The following GRID2 variants were observed in gnomAD, a reference collection of about 807,000 sequenced individuals.
GRID2 encodes glutamate ionotropic receptor delta type subunit 2, also known as glutamate receptor ionotropic, delta-2.
Under a neutral mutation model 114.8 loss-of-function variants are expected in GRID2, and 33 were observed. That is an observed-to-expected ratio of 0.29 (90% CI 0.22 to 0.38). The LOEUF (loss-of-function observed/expected upper bound fraction) is 0.38, where lower values mean the gene tolerates loss of function less well. Among genes scored for constraint, GRID2 ranks in the 10% least tolerant of loss-of-function variants. The pLI, the probability that GRID2 is intolerant of heterozygous loss-of-function variation, is 1.00. For synonymous variants in GRID2, 505 were observed against 449.9 expected, an observed-to-expected ratio of 1.12 and a Z score of -1.55; for missense variants, 1,184 against 1,257.7, an observed-to-expected ratio of 0.94 and a Z score of 0.89.
At position 93,354,671 on chromosome 4, in the gene GRID2, CGTGTGTGTGTGT is replaced by C. The variant is rs35452796; in HGVS notation, c.1246-40903_1246-40892del. Among the ~76,000 whole-genome samples the C allele has an allele frequency of 7.7e-3, 1,003 of 130,278 alleles. 6 individuals are homozygous for C. Among genetic ancestry groups the C allele is most frequent in the Non-Finnish European group, 0.011 (667 of 61,488 alleles). The allele number at this position is 130,278 out of a possible 152,430, so 85.5% of individuals were successfully genotyped here. A position where few individuals can be genotyped will look rare whatever the true frequency, so the allele number is the denominator to read the frequency against. The stretch of plus-strand genomic sequence containing the variant: ...ATTTACTCCCCTGGGGTGGCTCATC[CGTGTGTGTGTGT>C]GTGTGTGTGTGTGTGTGTGTGTGTG... On this transcript the variant is annotated intron_variant, in intron 8 of 15. Coordinates refer to ENST00000282020, the MANE Select transcript of GRID2 (RefSeq NM_001510.4).
chr4:93,107,372 A>G (rs1579006801), intron 3 of GRID2, among the ~76,000 whole-genome samples: 1 of 152,288 alleles, frequency 6.6e-6, no homozygotes, highest in East Asian at 1.9e-4. Flanking sequence ...ACAGTCACAT[A>G]TCTAAGAAGT....
At chr4:92,586,151 T>G (rs184599865) in intron 1 of GRID2, among the ~76,000 whole-genome samples, 1 of 152,056 alleles carries the variant, frequency 6.6e-6, no homozygotes, top group Admixed American at 6.6e-5. Flanking sequence ...ATTTTGCTAA[T>G]TGATAAGGAC....
chr4:93,081,764 G>A lies in GRID2; in HGVS notation c.245-3231G>A, dbSNP rs377344850. 1.4e-4 allele frequency among the ~76,000 whole-genome samples: 21 copies of A among 152,168 alleles called. No homozygotes were observed. In the East Asian group the frequency reaches 1.5e-3, roughly 11 times the overall value. ...AATTTAAAATAGTTGATAAATACAC[G>A]TTCTGATCTTTCAAATTCAGTTCTC... On this transcript the variant is annotated intron_variant, in intron 2 of 15. Transcript: ENST00000282020.
rs570650940 is a variant in GRID2 at position 92,697,677 on chromosome 4, G to A, written c.244+107391G>A. ...ATACAAATAGCCATAGGTAAGGATA[G>A]TCTTACAATTTGGAAAGGCAAAAAA... On this transcript the variant is annotated intron_variant, in intron 2 of 15. Coordinates refer to ENST00000282020, the MANE Select transcript of GRID2 (RefSeq NM_001510.4). Among the ~76,000 whole-genome samples the A allele has an allele frequency of 5.3e-5, 8 of 152,152 alleles. No individual in the cohort carries two copies. In the East Asian group the frequency reaches 1.5e-3, roughly 29 times the overall value.
intron 2 of GRID2, among the ~76,000 whole-genome samples, chr4:93,053,459 G>A (rs1330808403): frequency 6.6e-6 from 1 of 151,892 alleles, no homozygotes; most frequent in Non-Finnish European, 1.5e-5. Flanking sequence ...GTCACCAACA[G>A]TTCTGTCTAG....
At chr4:93,486,616 A>G (rs1463111180) in intron 11 of GRID2, among the ~76,000 whole-genome samples, 1 of 151,700 alleles carries the variant, frequency 6.6e-6, no homozygotes, top group East Asian at 1.9e-4. Context: ...TGCCAAGATC[A>G]TATAATTTTT....
intron 8 of GRID2, among the ~76,000 whole-genome samples, chr4:93,377,570 T>C (rs79431983): frequency 6.6e-6 from 1 of 152,292 alleles, no homozygotes; most frequent in East Asian, 1.9e-4. Flanking sequence ...CAGAAGTTGC[T>C]CTGATCGTGT....
At chr4:93,768,942 A>C (rs1733894763) in intron 14 of GRID2, among the ~76,000 whole-genome samples, 1 of 149,500 alleles carries the variant, frequency 6.7e-6, no homozygotes, top group African/African-American at 2.4e-5. Flanking sequence ...AACCAGAAGA[A>C]GAAGAATAGG....
At chr4:92,854,252 C>T (rs533436772) in intron 2 of GRID2, among the ~76,000 whole-genome samples, 1 of 152,070 alleles carries the variant, frequency 6.6e-6, no homozygotes, top group Non-Finnish European at 1.5e-5. Context: ...AATTAATGTG[C>T]TGTATTTCCC....
intron 14 of GRID2, among the ~76,000 whole-genome samples, chr4:93,722,177 A>G (rs1729436989): frequency 6.6e-6 from 1 of 152,050 alleles, no homozygotes; most frequent in Admixed American, 6.6e-5. Context: ...CAGCCTACCA[A>G]AGTGCTAGGA....
chr4:93,350,526 G>C (rs979537029), intron 8 of GRID2, among the ~76,000 whole-genome samples: 1 of 152,032 alleles, frequency 6.6e-6, no homozygotes, highest in South Asian at 2.1e-4. Flanking sequence ...TTATTTTGTA[G>C]GGGAATCAGC....
intron 14 of GRID2, among the ~76,000 whole-genome samples, chr4:93,665,791 C>T (rs1723899047): frequency 6.6e-6 from 1 of 152,120 alleles, no homozygotes; most frequent in South Asian, 2.1e-4. Context: ...GTTTGTGTTA[C>T]ATTCTATGTT....
At chr4:92,524,910 A>G (rs1053341589) in intron 1 of GRID2, among the ~76,000 whole-genome samples, 1 of 152,080 alleles carries the variant, frequency 6.6e-6, no homozygotes, top group Non-Finnish European at 1.5e-5. Context: ...TTGTACAGGG[A>G]CATTTACAGA....
intron 4 of GRID2, among the ~76,000 whole-genome samples, chr4:93,117,316 G>A (rs1733366425): frequency 6.6e-6 from 1 of 152,000 alleles, no homozygotes; most frequent in African/African-American, 2.4e-5. Flanking sequence ...TTATTTAGAA[G>A]AGAATCCTAT....
At chr4:92,738,596 C>A (rs1343970249) in intron 2 of GRID2, among the ~76,000 whole-genome samples, 1 of 152,038 alleles carries the variant, frequency 6.6e-6, no homozygotes, top group Non-Finnish European at 1.5e-5. Context: ...TTTACTTGAA[C>A]AGACTTTTTG....
intron 4 of GRID2, among the ~76,000 whole-genome samples, chr4:93,204,604 T>C (rs1742482898): frequency 6.6e-6 from 1 of 152,172 alleles, no homozygotes; most frequent in African/African-American, 2.4e-5. Flanking sequence ...GTCTTTCTTC[T>C]TCACTGAAAT....
intron 1 of GRID2, among the ~76,000 whole-genome samples, chr4:92,340,401 C>G (rs1180963546): frequency 2.6e-5 from 4 of 152,174 alleles, no homozygotes; most frequent in Non-Finnish European, 5.9e-5. Context: ...CATCAACATT[C>G]AATTCTGATC....
chr4:93,399,063 T>C (rs1765634812), intron 9 of GRID2, among the ~76,000 whole-genome samples: 1 of 152,006 alleles, frequency 6.6e-6, no homozygotes, highest in Non-Finnish European at 1.5e-5. Context: ...TTTACCTCAC[T>C]AAACCCTGAA....
intron 14 of GRID2, among the ~76,000 whole-genome samples, chr4:93,765,691 A>T (rs935419538): frequency 1.3e-5 from 2 of 151,078 alleles, no homozygotes; most frequent in Non-Finnish European, 2.9e-5. Context: ...TTCCAAGTTT[A>T]GAAAGAATAA....
Sources: gnomAD v4.1 joint callset for allele counts (sites outside exome capture counted in the v4.1 genomes callset) on GRCh38, gnomAD v4.1.1 for gene constraint, MANE v1.5 for transcripts, NCBI Gene and HGNC (gene_info 2026-07-23, HGNC 2026-07-21) for gene names.